The following PUS7 variants were observed in gnomAD, a reference collection of about 807,000 sequenced individuals.
The protein encoded by PUS7 is pseudouridine synthase 7.
A neutral mutation model predicts 79.8 loss-of-function variants in PUS7; 48 were observed. The observed-to-expected ratio is 0.60, with a 90% CI of 0.48 to 0.76. The LOEUF (loss-of-function observed/expected upper bound fraction) is 0.76, where lower values mean the gene tolerates loss of function less well. Among genes scored for constraint, PUS7 ranks in the 30% least tolerant of loss-of-function variants. The probability of loss-of-function intolerance (pLI) is 0.00; values close to 1 mark genes in which losing one functional copy is unlikely to be tolerated. For synonymous variants in PUS7, 286 were observed against 272.2 expected, an observed-to-expected ratio of 1.05 and a Z score of -0.50; for missense variants, 729 against 797.6, an observed-to-expected ratio of 0.91 and a Z score of 1.04.
rs757224492 is a variant in PUS7 at position 105,495,125 on chromosome 7, TAAC to T, written c.842+14_842+16del. On this transcript the variant is annotated intron_variant, in intron 6 of 15. Coordinates refer to ENST00000469408, the MANE Select transcript of PUS7 (RefSeq NM_019042.5). ...CTGTTGCTTTGATTTTGTATAGGCA[TAAC>T]AACAGTAACTCACCTTAAGTATTTG... 1.6e-5 allele frequency: 23 copies of T among 1,447,404 alleles called. No homozygotes were observed. In the Admixed American group the frequency reaches 3.1e-4, roughly 20 times the overall value. The allele number at this position is 1,447,404 out of a possible 1,614,324, so 89.7% of individuals were successfully genotyped here.
rs1002530412 is a variant in PUS7 at position 105,520,332 on chromosome 7, G to A, written c.-33+1720C>T. Among the ~76,000 whole-genome samples, 183 of 151,942 alleles carry A rather than the reference G, an allele frequency of 1.2e-3. 1 individual carries two copies. The highest frequency in any genetic ancestry group is 2.3e-3 in the Non-Finnish European group (159 of 67,982). On this transcript the variant is annotated intron_variant, in intron 1 of 15. Coordinates refer to ENST00000469408, the MANE Select transcript of PUS7 (RefSeq NM_019042.5). ...AAATTAGCCGGGCGTGGTGGCGGGC[G>A]CCTGTAGTCCCAGCTACTCGGGAGG...
intron 12 of PUS7, among the ~76,000 whole-genome samples, chr7:105,467,373 T>G (rs544592641): frequency 6.6e-6 from 1 of 150,692 alleles, no homozygotes; most frequent in African/African-American, 2.4e-5. Flanking sequence ...CACTGCAAGC[T>G]CCGCCTCCCG....
intron 11 of PUS7, among the ~76,000 whole-genome samples, chr7:105,468,809 C>T (rs1242691016): frequency 2.0e-5 from 3 of 152,092 alleles, no homozygotes; most frequent in African/African-American, 2.4e-5. Context: ...TGAGCCACCA[C>T]GCCCAGCCAA....
intron 13 of PUS7, 124 bp from the exon 14 acceptor site, chr7:105,462,874 A>G (rs1226851577): frequency 5.6e-6 from 5 of 887,994 alleles, no homozygotes; most frequent in Non-Finnish European, 8.5e-6. Flanking sequence ...AGTCACCTTA[A>G]TTTATAATCC....
At chr7:105,503,181 C>G (rs1404188160) in intron 4 of PUS7, among the ~76,000 whole-genome samples, 1 of 152,116 alleles carries the variant, frequency 6.6e-6, no homozygotes, top group East Asian at 1.9e-4. Flanking sequence ...GGTTATATAG[C>G]TGGAAGGTGG....
chr7:105,498,614 A>G (rs140205017), intron 5 of PUS7, among the ~76,000 whole-genome samples: 1 of 152,346 alleles, frequency 6.6e-6, no homozygotes, highest in African/African-American at 2.4e-5. Flanking sequence ...AGATGAAAAG[A>G]TGGGGTAGCA....
intron 6 of PUS7, among the ~76,000 whole-genome samples, chr7:105,492,175 G>A (rs1312374852): frequency 2.0e-5 from 3 of 152,010 alleles, no homozygotes; most frequent in African/African-American, 7.3e-5. Context: ...GCCTGAGGCA[G>A]GAGGACTGTC....
In PUS7 at chr7:105,462,630, T is replaced by C. The variant is rs774792527; in HGVS notation, c.1748A>G (p.Asn583Ser). 7 of 1,613,654 alleles carry C rather than the reference T, an allele frequency of 4.3e-6. No individual in the cohort carries two copies. The South Asian group carries it at 6.6e-5, about 15-fold the overall frequency. ...AYRKIIIRPQNVSWEVVAYDD... is the reference protein window; with the variant it reads ...AYRKIIIRPQSVSWEVVAYDD... ...CTAGATGATTACTCACCAGCTAACA[T>C]TCTGAGGACGAATAATGATCTTTCG... is the stretch of plus-strand genomic sequence containing the variant. Residue 583 changes from asparagine (N) to serine (S), a missense_variant, in exon 14 of 16, where the codon AAT becomes AGT. Asn to Ser is a conservative substitution (Grantham distance 46, BLOSUM62 1). Coordinates refer to ENST00000469408, the MANE Select transcript of PUS7 (RefSeq NM_019042.5).
intron 9 of PUS7, among the ~76,000 whole-genome samples, chr7:105,477,752 G>C (rs1013363390): frequency 2.1e-4 from 32 of 151,648 alleles, no homozygotes; most frequent in African/African-American, 7.8e-4. Flanking sequence ...CATTGGTCCT[G>C]TTCCAGCTCT....
At chr7:105,514,997 T>G (rs529678867) in intron 1 of PUS7, among the ~76,000 whole-genome samples, 2 of 152,278 alleles carry the variant, frequency 1.3e-5, no homozygotes, top group Admixed American at 6.5e-5. Flanking sequence ...GGTTACACTG[T>G]GTCAGCCAGG....
chr7:105,484,448 C>T (rs1294806591), intron 7 of PUS7, among the ~76,000 whole-genome samples: 1 of 150,804 alleles, frequency 6.6e-6, no homozygotes. Context: ...GATCCCATCT[C>T]TAAAATTAAA....
intron 5 of PUS7, among the ~76,000 whole-genome samples, chr7:105,500,928 C>G (rs1825221293): frequency 6.6e-6 from 1 of 152,212 alleles, no homozygotes; most frequent in Non-Finnish European, 1.5e-5. Context: ...AAAAGTAATT[C>G]AGGACTCATG....
rs554301481 is a variant in PUS7, at chr7:105,494,881, T to C, written c.842+261A>G. On this transcript the variant is annotated intron_variant, in intron 6 of 15. Coordinates refer to ENST00000469408, the MANE Select transcript of PUS7 (RefSeq NM_019042.5). ...ATCCCAGCTACTCAGGAGGCTAAGG[T>C]AGGAGGAATGCCTGAGCCCAGGAAG... Among the ~76,000 whole-genome samples, 10 of 147,868 alleles carry C rather than the reference T, an allele frequency of 6.8e-5. 1 individual carries two copies. In the East Asian group the frequency reaches 1.2e-3, roughly 18 times the overall value.
chr7:105,514,244 AAT>A (rs1554353227), intron 1 of PUS7, among the ~76,000 whole-genome samples: 3 of 123,882 alleles, frequency 2.4e-5, no homozygotes, highest in African/African-American at 9.5e-5. Flanking sequence ...AAAAAAAAAA[AAT>A]AGTTATTATG....
chr7:105,513,347 G>A (rs1825769354), intron 1 of PUS7, among the ~76,000 whole-genome samples: 1 of 152,140 alleles, frequency 6.6e-6, no homozygotes. Flanking sequence ...CTCTCCTTAT[G>A]CAGAAAAAAC....
chr7:105,469,033 C>T (rs1490042270), intron 11 of PUS7, among the ~76,000 whole-genome samples: 1 of 151,938 alleles, frequency 6.6e-6, no homozygotes, highest in East Asian at 1.9e-4. Context: ...TCTTGAGTAG[C>T]TGTGACTACA....
At position 105,468,450 on chromosome 7, in the gene PUS7, T is replaced by A. The variant is rs757895750; in HGVS notation, c.1412A>T (p.Asn471Ile). 1 of 1,605,212 alleles carries A rather than the reference T, an allele frequency of 6.2e-7. No individual in the cohort carries two copies. The highest frequency in any genetic ancestry group is 8.5e-7 in the Non-Finnish European group (1 of 1,175,352). Residue 471 changes from asparagine to isoleucine, a missense_variant, in exon 12 of 16, where the codon AAT becomes ATT. Transcript: ENST00000469408. ...VSAFGIIPRN[N>I]RLMYIHSYQS... Reference sequence around the variant, plus strand: ...GTAGCTATGAATATACATTAAGCGATTATTTCTGGGTATCTGGAGGGAAGG... The same window carrying A: ...GTAGCTATGAATATACATTAAGCGAATATTTCTGGGTATCTGGAGGGAAGG...
chr7:105,502,574 AAAACAG>A lies in PUS7; in HGVS notation c.586-16_586-11del. 1 of 1,613,050 alleles carries A rather than the reference AAAACAG, an allele frequency of 6.2e-7. No homozygotes were observed. Among genetic ancestry groups the A allele is most frequent in the Non-Finnish European group, 8.5e-7 (1 of 1,179,498 alleles). ...TGGTGTCCTCGATAACCTATTAAAAAAAACAGATAGCAATACCACCAAGTTAACAAA... is the reference window on the plus strand; with the variant it reads ...TGGTGTCCTCGATAACCTATTAAAAAATAGCAATACCACCAAGTTAACAAA... On this transcript the variant is annotated splice_polypyrimidine_tract_variant and intron_variant, in intron 4 of 15. Transcript: ENST00000469408.
At chr7:105,467,034 G>GTTTTTTTTTTTTTTTT (rs56177512) in intron 12 of PUS7, among the ~76,000 whole-genome samples, 3 of 70,698 alleles carry the variant, frequency 4.2e-5, no homozygotes, top group African/African-American at 1.4e-4. Context: ...AGTTTTTTCT[G>GTTTTTTTTTTTTTTTT]TTTTTTTTTT....
Sources: allele counts gnomAD v4.1 joint callset (sites outside exome capture counted in the v4.1 genomes callset), GRCh38; gene constraint gnomAD v4.1.1; transcripts MANE v1.5; gene names NCBI Gene and HGNC (gene_info 2026-07-23, HGNC 2026-07-21).